RALYL: variants seen among roughly 807,000 people sequenced by gnomAD.
The protein encoded by RALYL is RALY RNA binding protein like, also known as RNA-binding Raly-like protein.
RALYL carries 29 observed loss-of-function variants against 35.1 expected under a neutral mutation model. The ratio of observed to expected loss-of-function variants is 0.83; its 90% CI spans 0.61 to 1.13. The LOEUF is 1.13. Among genes scored for constraint, RALYL ranks in the 50% most tolerant of loss-of-function variants. The probability of loss-of-function intolerance (pLI) is 0.00; values close to 1 mark genes in which losing one functional copy is unlikely to be tolerated. For synonymous variants in RALYL, 120 were observed against 127.6 expected (o/e 0.94, Z 0.40); for missense variants, 359 against 360.4 (o/e 1.00, Z 0.03).
chr8:84,705,786 C>A (rs145762845), intron 2 of RALYL: 1 of 654,740 alleles, frequency 1.5e-6, no homozygotes, highest in Non-Finnish European at 2.3e-6. Flanking sequence ...GCTATAGGAT[C>A]GGGGGAGGTG....
At chr8:84,361,191 G>C (rs1044201666) in intron 1 of RALYL, among the ~76,000 whole-genome samples, 1 of 152,142 alleles carries the variant, frequency 6.6e-6, no homozygotes, top group Non-Finnish European at 1.5e-5. Flanking sequence ...AATGAATTTT[G>C]CCTTTAATCT....
intron 2 of RALYL, among the ~76,000 whole-genome samples, chr8:84,726,750 C>A (rs1845039315): frequency 6.6e-6 from 1 of 151,918 alleles, no homozygotes; most frequent in African/African-American, 2.4e-5. Flanking sequence ...CCCAAGTATT[C>A]TCAGATTTTA....
intron 2 of RALYL, among the ~76,000 whole-genome samples, chr8:84,727,952 A>G (rs1845324351): frequency 6.6e-6 from 1 of 152,008 alleles, no homozygotes; most frequent in African/African-American, 2.4e-5. Context: ...ATGTGTCTTT[A>G]TAGCAGCATG....
At chr8:84,603,529 G>C (rs1483045924) in intron 2 of RALYL, among the ~76,000 whole-genome samples, 1 of 151,984 alleles carries the variant, frequency 6.6e-6, no homozygotes, top group East Asian at 1.9e-4. Flanking sequence ...TCTGAGGTAG[G>C]TGTGAGATTT....
chr8:84,714,048 C>A (rs1287551780), intron 2 of RALYL, among the ~76,000 whole-genome samples: 1 of 150,476 alleles, frequency 6.6e-6, no homozygotes, highest in Admixed American at 6.6e-5. Flanking sequence ...ACACACACAC[C>A]CCAATGGAAT....
At chr8:84,887,506 T>C in intron 7 of RALYL, 98 bp from the exon 8 acceptor site, 1 of 1,011,310 alleles carries the variant, frequency 9.9e-7, no homozygotes, top group South Asian at 1.8e-5. Context: ...TTTAATAGCA[T>C]ATAGCGTTTA....
chr8:84,832,211 T>A (rs1831068745), intron 4 of RALYL, among the ~76,000 whole-genome samples: 1 of 152,146 alleles, frequency 6.6e-6, no homozygotes, highest in Non-Finnish European at 1.5e-5. Flanking sequence ...ATATAAGAAA[T>A]GCCTCTTAAA....
chr8:84,462,210 G>T (rs1271121348), intron 1 of RALYL, among the ~76,000 whole-genome samples: 1 of 150,938 alleles, frequency 6.6e-6, no homozygotes, highest in Non-Finnish European at 1.5e-5. Flanking sequence ...AATGATGTAT[G>T]TTCATTGCTT....
chr8:84,348,216 A>G (rs1850212695), intron 1 of RALYL, among the ~76,000 whole-genome samples: 2 of 152,226 alleles, frequency 1.3e-5, no homozygotes, highest in African/African-American at 4.8e-5. Context: ...AGACAAATTT[A>G]ATTTAACAGC....
At chr8:84,563,657 C>T (rs2061600957) in intron 2 of RALYL, among the ~76,000 whole-genome samples, 1 of 151,542 alleles carries the variant, frequency 6.6e-6, no homozygotes, top group Non-Finnish European at 1.5e-5. Context: ...AATTGCTCCA[C>T]TAGAAATAAA....
rs185967588 is a variant in RALYL at position 84,482,964 on chromosome 8, A to C, written c.-23-46335A>C. ...CCTAGATTGTTAGATACAGAATATA[A>C]AAATTATGCTTAGTACTATTTTTCT... On this transcript the variant is annotated intron_variant, in intron 1 of 8. Transcript: ENST00000521268. Among the ~76,000 whole-genome samples, 178 of 152,216 alleles carry C rather than the reference A, an allele frequency of 1.2e-3. 1 individual carries two copies. The highest frequency in any genetic ancestry group is 3.3e-3 in the African/African-American group (138 of 41,564).
intron 1 of RALYL, among the ~76,000 whole-genome samples, chr8:84,191,166 T>C (rs1813758963): frequency 7.3e-6 from 1 of 136,106 alleles, no homozygotes; most frequent in African/African-American, 2.9e-5. Flanking sequence ...ATTGTATGTG[T>C]CGTGTGTGTG....
intron 7 of RALYL, 36 bp from the exon 8 acceptor site, chr8:84,887,568 C>T: frequency 6.4e-7 from 1 of 1,573,048 alleles, no homozygotes; most frequent in Non-Finnish European, 8.6e-7. Flanking sequence ...CATGAGCAAC[C>T]CAAGGTAGTA....
intron 1 of RALYL, among the ~76,000 whole-genome samples, chr8:84,328,700 AG>A (rs1172838462): frequency 2.0e-5 from 3 of 152,146 alleles, no homozygotes; most frequent in African/African-American, 7.2e-5. Flanking sequence ...GGGATACAAA[AG>A]ATCCTGTCAC....
intron 2 of RALYL, among the ~76,000 whole-genome samples, chr8:84,632,004 G>A (rs893078649): frequency 2.6e-5 from 4 of 151,418 alleles, no homozygotes; most frequent in Admixed American, 6.6e-5. Flanking sequence ...AAATTCATAC[G>A]TTGAAATTGT....
chr8:84,685,403 AC>A (rs1414852765), intron 2 of RALYL, among the ~76,000 whole-genome samples: 1 of 150,688 alleles, frequency 6.6e-6, no homozygotes, highest in Non-Finnish European at 1.5e-5. Flanking sequence ...TCTTTACCCA[AC>A]CCCCACCATC....
At chr8:84,656,680 C>T in intron 2 of RALYL, among the ~76,000 whole-genome samples, 1 of 151,748 alleles carries the variant, frequency 6.6e-6, no homozygotes, top group Non-Finnish European at 1.5e-5. Flanking sequence ...ACCAAGTTAC[C>T]CAAAATTGAG....
At chr8:84,226,952 C>A (rs1191709792) in intron 1 of RALYL, among the ~76,000 whole-genome samples, 1 of 151,424 alleles carries the variant, frequency 6.6e-6, no homozygotes, top group Non-Finnish European at 1.5e-5. Context: ...ACTAGAGTAC[C>A]TTGCATGATA....
chr8:84,547,314 T>C (rs1359902481), intron 2 of RALYL, among the ~76,000 whole-genome samples: 1 of 152,162 alleles, frequency 6.6e-6, no homozygotes, highest in Non-Finnish European at 1.5e-5. Context: ...TTTCTAAAAT[T>C]CTGTAGTTTT....
Sources: allele counts gnomAD v4.1 joint callset (sites outside exome capture counted in the v4.1 genomes callset), GRCh38; gene constraint gnomAD v4.1.1; transcripts MANE v1.5; gene names NCBI Gene and HGNC (gene_info 2026-07-23, HGNC 2026-07-21).